FAM219A: variants seen among roughly 807,000 people sequenced by gnomAD.
FAM219A encodes the protein family with sequence similarity 219 member A.
In FAM219A, 7 loss-of-function variants were observed where a neutral mutation model predicts 23.4. The ratio of observed to expected loss-of-function variants is 0.30; its 90% CI spans 0.17 to 0.56. FAM219A has a LOEUF of 0.56. Among genes scored for constraint, FAM219A ranks in the 20% least tolerant of loss-of-function variants. The probability of loss-of-function intolerance (pLI) is 0.92; values close to 1 mark genes in which losing one functional copy is unlikely to be tolerated. For synonymous variants in FAM219A, 93 were observed against 99.0 expected, an observed-to-expected ratio of 0.94 and a Z score of 0.36; for missense variants, 166 against 246.9, an observed-to-expected ratio of 0.67 and a Z score of 2.20.
At chr9:34,445,395 A>G (rs1470619564) in intron 1 of FAM219A, among the ~76,000 whole-genome samples, 1 of 152,208 alleles carries the variant, frequency 6.6e-6, no homozygotes. Context: ...GAGGTTATAG[A>G]GGCTTAGGGA....
chr9:34,401,567 C>G, intron 5 of FAM219A, 99 bp downstream of exon 5: 1 of 1,394,312 alleles, frequency 7.2e-7, no homozygotes. Context: ...CTTGCCCAGC[C>G]CTCTTTTTCC....
intron 1 of FAM219A, among the ~76,000 whole-genome samples, chr9:34,430,947 G>A (rs1241709569): frequency 1.3e-5 from 2 of 152,194 alleles, no homozygotes; most frequent in Admixed American, 6.5e-5. Flanking sequence ...GCTCTCCAGG[G>A]TTCTGAACCA....
intron 2 of FAM219A, 86 bp from the exon 3 acceptor site, chr9:34,402,893 A>G (rs1821502438): frequency 1.7e-6 from 2 of 1,188,354 alleles, no homozygotes; most frequent in African/African-American, 1.5e-5. Context: ...CTGGGCCTCC[A>G]CTGTGAAACC....
At position 34,454,297 on chromosome 9, in the gene FAM219A, G is replaced by A. The variant is rs529881726; in HGVS notation, c.60+3907C>T. Among the ~76,000 whole-genome samples the A allele has an allele frequency of 4.6e-5, 7 of 152,306 alleles. No homozygotes were observed. The Middle Eastern group carries it at 0.017, about 370-fold the overall frequency. On this transcript the variant is annotated intron_variant, in intron 1 of 5. Coordinates refer to ENST00000651358, the MANE Select transcript of FAM219A (RefSeq NM_001184940.2). The stretch of plus-strand genomic sequence containing the variant: ...CTAAAAATACAAAAATTAGCTGGGC[G>A]TGGTGGCATGCGCCTGTAGTCCCAG...
chr9:34,441,358 G>A (rs529854528), intron 1 of FAM219A, among the ~76,000 whole-genome samples: 4 of 152,338 alleles, frequency 2.6e-5, no homozygotes, highest in African/African-American at 7.2e-5. Flanking sequence ...AAGATTCAGA[G>A]AGCAGATGCA....
At chr9:34,405,251 A>G (rs1821592837) in intron 2 of FAM219A, among the ~76,000 whole-genome samples, 1 of 152,224 alleles carries the variant, frequency 6.6e-6, no homozygotes, top group Admixed American at 6.5e-5. Flanking sequence ...GGAGCTGTGG[A>G]CAGTGGCCAG....
At position 34,417,325 on chromosome 9, in the gene FAM219A, G is replaced by A. The variant is rs1564004208; in HGVS notation, c.61-11361C>T. Among the ~76,000 whole-genome samples, 1 of 152,182 alleles carries A rather than the reference G, an allele frequency of 6.6e-6. No homozygotes were observed. Among genetic ancestry groups the A allele is most frequent in the African/African-American group, 2.4e-5 (1 of 41,438 alleles). On this transcript the variant is annotated intron_variant, in intron 1 of 5. Coordinates refer to ENST00000651358, the MANE Select transcript of FAM219A (RefSeq NM_001184940.2). The surrounding 1 kb of genome is among the most constrained non-coding windows in gnomAD (Gnocchi z 4.1). The stretch of plus-strand genomic sequence containing the variant: ...GCCTCCCAAAGTGCTGGGATTACAG[G>A]TGTGAGCCACCATTCCCAGCCCCTA...
At chr9:34,456,025 T>C (rs1485686113) in intron 1 of FAM219A, among the ~76,000 whole-genome samples, 4 of 152,124 alleles carry the variant, frequency 2.6e-5, no homozygotes, top group African/African-American at 9.7e-5. Flanking sequence ...AAACCCTGTC[T>C]CTACTAAAAA....
intron 1 of FAM219A, among the ~76,000 whole-genome samples, chr9:34,439,245 C>T (rs1011197753): frequency 6.6e-6 from 1 of 152,240 alleles, no homozygotes; most frequent in Non-Finnish European, 1.5e-5. Flanking sequence ...AGACCAAGAA[C>T]CCACCAATTC....
At position 34,398,395 on chromosome 9, in the gene FAM219A, CA is replaced by C; in HGVS notation, c.*2568del. ...GGAGGGAGTGTTAAGGCAGTATCTA[CA>C]AGGGGAAGGGTGGCAGGAGGGCAAG... On this transcript the variant is annotated 3_prime_UTR_variant, in exon 6 of 6. Coordinates refer to ENST00000651358, the MANE Select transcript of FAM219A (RefSeq NM_001184940.2). The C allele has an allele frequency of 6.5e-7, 1 of 1,549,538 alleles. No homozygotes were observed. Among genetic ancestry groups the C allele is most frequent in the South Asian group, 1.2e-5 (1 of 84,016 alleles).
At chr9:34,445,621 G>A (rs1234023545) in intron 1 of FAM219A, among the ~76,000 whole-genome samples, 1 of 152,224 alleles carries the variant, frequency 6.6e-6, no homozygotes. Context: ...GGCCAGCTTT[G>A]AGGGGTAAAA....
chr9:34,410,468 C>T (rs181077196), intron 1 of FAM219A, among the ~76,000 whole-genome samples: 21 of 152,190 alleles, frequency 1.4e-4, no homozygotes, highest in East Asian at 5.8e-4. Flanking sequence ...CTGAATGACC[C>T]GCAGACTTTT....
chr9:34,401,922 C>T (rs528295867), intron 4 of FAM219A, among the ~76,000 whole-genome samples: 11 of 152,194 alleles, frequency 7.2e-5, no homozygotes, highest in African/African-American at 2.6e-4. Context: ...CAATTGCTAT[C>T]CTTAACCTCC....
In FAM219A at chr9:34,416,273, G is replaced by GGGAGGGAAGGAAGGAAGGAA. The variant is rs1219097586; in HGVS notation, c.61-10310_61-10309insTTCCTTCCTTCCTTCCCTCC. ...AAAGAAAGAAAGGGGGAGGGAGGGA[G>GGGAGGGAAGGAAGGAAGGAA]GGAAGGAAGGAAGGAAGGAAGGAAG... On this transcript the variant is annotated intron_variant, in intron 1 of 5. Coordinates refer to ENST00000651358, the MANE Select transcript of FAM219A (RefSeq NM_001184940.2). 1.5e-3 allele frequency among the ~76,000 whole-genome samples: 172 copies of GGGAGGGAAGGAAGGAAGGAA among 114,186 alleles called. 5 individuals carry two copies. Among genetic ancestry groups the GGGAGGGAAGGAAGGAAGGAA allele is most frequent in the Middle Eastern group, 0.013 (3 of 232 alleles). The allele number at this position is 114,186 out of a possible 152,430, so 74.9% of individuals were successfully genotyped here. A position where few individuals can be genotyped will look rare whatever the true frequency, so the allele number is the denominator to read the frequency against.
At chr9:34,403,585 C>T (rs988626331) in intron 2 of FAM219A, among the ~76,000 whole-genome samples, 9 of 152,230 alleles carry the variant, frequency 5.9e-5, no homozygotes, top group African/African-American at 2.2e-4. Context: ...GGTTCCAAAG[C>T]CTACCAGCTT....
chr9:34,429,912 G>A (rs1222817041), intron 1 of FAM219A, among the ~76,000 whole-genome samples: 3 of 152,152 alleles, frequency 2.0e-5, no homozygotes, highest in Non-Finnish European at 4.4e-5. Context: ...GGAAGTACAG[G>A]GGTATTAGAG....
chr9:34,418,552 T>C (rs1013751998), intron 1 of FAM219A, among the ~76,000 whole-genome samples: 5 of 152,234 alleles, frequency 3.3e-5, no homozygotes, highest in African/African-American at 9.6e-5. Flanking sequence ...TGGCTTGGCC[T>C]ACTCCTGGCC....
intron 1 of FAM219A, 114 bp from the exon 2 acceptor site, chr9:34,406,078 C>T (rs1476425926): frequency 9.0e-7 from 1 of 1,117,162 alleles, no homozygotes; most frequent in Non-Finnish European, 1.3e-6. Flanking sequence ...GAGCATTCAC[C>T]CCTCAGAGCA....
At chr9:34,411,840 T>TAGTTTA (rs1179763781) in intron 1 of FAM219A, among the ~76,000 whole-genome samples, 1 of 152,022 alleles carries the variant, frequency 6.6e-6, no homozygotes, top group Admixed American at 6.6e-5. Context: ...CTTAAAACAT[T>TAGTTTA]AGGTCACCAA....
Sources: gnomAD v4.1 joint callset for allele counts (sites outside exome capture counted in the v4.1 genomes callset) on GRCh38, gnomAD v4.1.1 for gene constraint, Gnocchi (gnomAD v3.1) non-coding constraint, MANE v1.5 for transcripts, NCBI Gene and HGNC (gene_info 2026-07-23, HGNC 2026-07-21) for gene names.